The following FLVCR1 variants were observed in gnomAD, a reference collection of about 807,000 sequenced individuals.
FLVCR1 encodes the protein choline/ethanolamine transporter FLVCR1.
FLVCR1 carries 34 observed loss-of-function variants against 53.6 expected under a neutral mutation model. The observed-to-expected ratio is 0.63, with a 90% CI of 0.48 to 0.84. The LOEUF (loss-of-function observed/expected upper bound fraction) is 0.84, where lower values mean the gene tolerates loss of function less well. Ranked by LOEUF, FLVCR1 falls within the 40% of genes least tolerant of loss-of-function variation. The pLI, the probability that FLVCR1 is intolerant of heterozygous loss-of-function variation, is 0.00. For missense variants in FLVCR1, 677 were observed against 696.7 expected (o/e 0.97, Z 0.32); for synonymous variants, 300 against 286.3 (o/e 1.05, Z -0.48).
At chr1:212,881,974 G>A (rs1294896799) in intron 3 of FLVCR1, among the ~76,000 whole-genome samples, 1 of 152,186 alleles carries the variant, frequency 6.6e-6, no homozygotes, top group African/African-American at 2.4e-5. Flanking sequence ...GCCAGAGTAA[G>A]ATGTAATATC....
At chr1:212,895,120 T>G (rs1665299748) in intron 9 of FLVCR1, 67 bp downstream of exon 9, 21 of 1,373,864 alleles carry the variant, frequency 1.5e-5, no homozygotes, top group Non-Finnish European at 2.1e-5. Flanking sequence ...ACCATATTTT[T>G]TTATTTAGCT....
chr1:212,866,171 G>A (rs1664418969), intron 2 of FLVCR1, among the ~76,000 whole-genome samples: 1 of 151,990 alleles, frequency 6.6e-6, no homozygotes, highest in Non-Finnish European at 1.5e-5. Context: ...TTTTAGTAGA[G>A]ACGGGGTTTC....
intron 8 of FLVCR1, among the ~76,000 whole-genome samples, chr1:212,890,124 A>G (rs139907065): frequency 6.6e-5 from 10 of 152,342 alleles, no homozygotes; most frequent in Admixed American, 6.5e-4. Context: ...AGGAAAGAAA[A>G]TAGTGCTCAA....
chr1:212,887,776 A>G, intron 5 of FLVCR1, 115 bp from the exon 6 acceptor site: 1 of 645,394 alleles, frequency 1.5e-6, no homozygotes, highest in Non-Finnish European at 2.8e-6. Context: ...TCCATGGACA[A>G]GAAGGGGTGA....
intron 3 of FLVCR1, among the ~76,000 whole-genome samples, chr1:212,874,888 A>G (rs1215693405): frequency 2.7e-5 from 4 of 149,258 alleles, no homozygotes; most frequent in African/African-American, 9.8e-5. Context: ...TCTTTCAGCC[A>G]CACTTATAAC....
At chr1:212,873,931 G>T (rs146973153) in intron 3 of FLVCR1, among the ~76,000 whole-genome samples, 1 of 152,144 alleles carries the variant, frequency 6.6e-6, no homozygotes, top group African/African-American at 2.4e-5. Flanking sequence ...CCCATATCCT[G>T]TGTATGGCAT....
chr1:212,890,858 A>G (rs1486520391), intron 8 of FLVCR1, among the ~76,000 whole-genome samples: 1 of 152,184 alleles, frequency 6.6e-6, no homozygotes, highest in East Asian at 1.9e-4. Flanking sequence ...ATACACAACT[A>G]CCTAAGGTCG....
At chr1:212,888,619 T>A in intron 7 of FLVCR1, 25 bp downstream of exon 7, 1 of 1,402,256 alleles carries the variant, frequency 7.1e-7, no homozygotes, top group Non-Finnish European at 1.0e-6. Flanking sequence ...TCTCTAAACC[T>A]GAGATGATTA....
chr1:212,888,528 T>G lies in FLVCR1; in HGVS notation c.1347T>G (p.Phe449Leu). ...GTTACCTCCCTTTGGGTTTTGAATT[T>G]GCTGTTGAAATCACTTACCCTGAAT... is the stretch of plus-strand genomic sequence containing the variant. ...MTGYLPLGFEFAVEITYPESE... is the reference protein window; with the variant it reads ...MTGYLPLGFELAVEITYPESE... The change falls in exon 7 of 10, where the codon TTT becomes TTG. Residue 449 changes from phenylalanine to leucine, a missense_variant. Physicochemically the swap from Phe to Leu is conservative, Grantham distance 22. Coordinates refer to ENST00000366971, the MANE Select transcript of FLVCR1 (RefSeq NM_014053.4). The G allele has an allele frequency of 6.2e-7, 1 of 1,613,982 alleles. No homozygotes were observed. Among genetic ancestry groups the G allele is most frequent in the Admixed American group, 1.7e-5 (1 of 60,028 alleles).
At position 212,858,410 on chromosome 1, in the gene FLVCR1, G is replaced by A. The variant is rs1371547519; in HGVS notation, c.-43G>A. ...CTGTGGGCCGGGAGAGCGGAGTCGG[G>A]GAGTGGGGCGGGGGAGCGAGGTGGC... is the stretch of plus-strand genomic sequence containing the variant. On this transcript the variant is annotated 5_prime_UTR_variant, in exon 1 of 10. Transcript: ENST00000366971. 7 of 1,420,264 alleles carry A rather than the reference G, an allele frequency of 4.9e-6. No individual in the cohort carries two copies. Among genetic ancestry groups the A allele is most frequent in the South Asian group, 1.5e-5 (1 of 67,150 alleles). The allele number at this position is 1,420,264 out of a possible 1,614,324, so 88.0% of individuals were successfully genotyped here.
At position 212,887,976 on chromosome 1, in the gene FLVCR1, G is replaced by A. The variant is rs560058131; in HGVS notation, c.1282G>A (p.Val428Met). ...ATTGGACCTTAGATATATTATCATC[G>A]TGTTTGTTACTGGAGGGGTGCTTGG... ...FTLDLRYIII[V>M]FVTGGVLGFF... The change falls in exon 6 of 10, where the codon GTG becomes ATG. Residue 428 changes from valine (V) to methionine (M), a missense_variant. Coordinates refer to ENST00000366971, the MANE Select transcript of FLVCR1 (RefSeq NM_014053.4). The A allele has an allele frequency of 1.0e-5, 16 of 1,597,144 alleles. No homozygotes were observed. In the Admixed American group the frequency reaches 1.2e-4, roughly 12 times the overall value.
At chr1:212,876,372 C>CTT (rs113409098) in intron 3 of FLVCR1, among the ~76,000 whole-genome samples, 7 of 143,208 alleles carry the variant, frequency 4.9e-5, no homozygotes, top group Non-Finnish European at 7.6e-5. Flanking sequence ...GATCTCATTT[C>CTT]TTTTTTTTTT....
intron 7 of FLVCR1, 23 bp downstream of exon 7, chr1:212,888,617 C>T (rs1366789172): frequency 1.4e-6 from 2 of 1,418,454 alleles, no homozygotes; most frequent in South Asian, 1.1e-5. Flanking sequence ...TTTCTCTAAA[C>T]CTGAGATGAT....
At chr1:212,863,272 A>G (rs568253079) in intron 1 of FLVCR1, among the ~76,000 whole-genome samples, 3 of 152,342 alleles carry the variant, frequency 2.0e-5, no homozygotes, top group African/African-American at 7.2e-5. Flanking sequence ...CCCTTTAACA[A>G]TACAATAGTA....
chr1:212,876,802 C>T (rs4951467), intron 3 of FLVCR1, among the ~76,000 whole-genome samples: 123,838 of 152,164 alleles, frequency 0.81, 50,523 homozygotes, highest in East Asian at 1. Context: ...TGAACATACA[C>T]TTGCATGTAT....
At chr1:212,893,879 G>T (rs1403550829) in intron 8 of FLVCR1, among the ~76,000 whole-genome samples, 3 of 152,032 alleles carry the variant, frequency 2.0e-5, no homozygotes, top group Non-Finnish European at 2.9e-5. Flanking sequence ...GGGTTCAAGT[G>T]ATTCTCCTGC....
In FLVCR1 at chr1:212,877,686, G is replaced by GTTGT. The variant is rs748566779; in HGVS notation, c.1024+4870_1024+4871insGTTT. Among the ~76,000 whole-genome samples, 59 of 127,172 alleles carry GTTGT rather than the reference G, an allele frequency of 4.6e-4. No homozygotes were observed. In the East Asian group the frequency reaches 0.01, roughly 22 times the overall value. 83.4% of individuals were successfully genotyped at this position (127,172 alleles called of 152,430 possible). On this transcript the variant is annotated intron_variant, in intron 3 of 9. Transcript: ENST00000366971. The stretch of plus-strand genomic sequence containing the variant: ...AAGTTGTCTGTTCACTCTGATGATA[G>GTTGT]TTTTTTTTTTTTTTTTTGCTGTGCA...
chr1:212,886,039 G>GTTTTTTTTT (rs1477656980), intron 5 of FLVCR1, among the ~76,000 whole-genome samples: 2 of 66,302 alleles, frequency 3.0e-5, no homozygotes, highest in African/African-American at 1.1e-4. Flanking sequence ...ACTTTATCTT[G>GTTTTTTTTT]TTCTTTTTTT....
At chr1:212,887,753 G>C (rs1183580132) in intron 5 of FLVCR1, 138 bp from the exon 6 acceptor site, 1 of 598,698 alleles carries the variant, frequency 1.7e-6, no homozygotes, top group African/African-American at 1.9e-5. Flanking sequence ...TTGTGCTTTG[G>C]TGGATACATA....
Sources: allele counts gnomAD v4.1 joint callset (sites outside exome capture counted in the v4.1 genomes callset), GRCh38; gene constraint gnomAD v4.1.1; transcripts MANE v1.5; gene names NCBI Gene and HGNC (gene_info 2026-07-23, HGNC 2026-07-21).